KCND2: variants seen among roughly 807,000 people sequenced by gnomAD.
KCND2 encodes the protein potassium voltage-gated channel subfamily D member 2.
KCND2 carries 16 observed loss-of-function variants against 54.4 expected under a neutral mutation model. The ratio of observed to expected loss-of-function variants is 0.29; its 90% CI spans 0.20 to 0.45. KCND2 has a LOEUF of 0.45. Ranked by LOEUF, KCND2 falls within the 20% of genes least tolerant of loss-of-function variation. KCND2 has a pLI of 1.00. For missense variants in KCND2, 486 were observed against 824.2 expected, an observed-to-expected ratio of 0.59 and a Z score of 5.02; for synonymous variants, 317 against 310.7, an observed-to-expected ratio of 1.02 and a Z score of -0.21.
chr7:120,383,986 A>G (rs1319267573), intron 1 of KCND2, among the ~76,000 whole-genome samples: 1 of 152,098 alleles, frequency 6.6e-6, no homozygotes, highest in Non-Finnish European at 1.5e-5. Flanking sequence ...CTTGTTATCC[A>G]GGAGAGATTG....
At chr7:120,401,339 A>G (rs1407431229) in intron 1 of KCND2, among the ~76,000 whole-genome samples, 2 of 152,126 alleles carry the variant, frequency 1.3e-5, no homozygotes, top group South Asian at 4.1e-4. Flanking sequence ...AGTAAATGGG[A>G]ACTAGGGAAG....
At chr7:120,465,944 A>G (rs925722547) in intron 1 of KCND2, among the ~76,000 whole-genome samples, 3 of 152,166 alleles carry the variant, frequency 2.0e-5, no homozygotes, top group African/African-American at 7.2e-5. Flanking sequence ...GTAATACAAT[A>G]TTAGTTTTAA....
At chr7:120,595,730 G>A (rs1792736623) in intron 1 of KCND2, among the ~76,000 whole-genome samples, 1 of 151,288 alleles carries the variant, frequency 6.6e-6, no homozygotes. Context: ...ATTTTTGAGG[G>A]CCCATTGTGT....
rs2116195958 is a variant in KCND2 at position 120,747,840 on chromosome 7, CAG to C, written c.1878_1879del (p.Arg626SerfsTer10). On this transcript the variant is annotated frameshift_variant, in exon 6 of 6. Coordinates refer to ENST00000331113, the MANE Select transcript of KCND2 (RefSeq NM_012281.3). LOFTEE classifies it high-confidence loss of function. ...CTGAGTACTCAGGAGGAAATATTGT[CAG>C]AGTTTCTGCTTTGTAAGACAATTGG... The part of the protein sequence containing the change: ...SPEYSGGNIV[R>X]VSAL 4 of 1,611,762 alleles carry C rather than the reference CAG, an allele frequency of 2.5e-6. No individual in the cohort carries two copies. The highest frequency in any genetic ancestry group is 3.4e-6 in the Non-Finnish European group (4 of 1,178,528).
In KCND2 at chr7:120,745,911, A is replaced by C; in HGVS notation, c.1599A>C (p.Arg533=). 1 of 1,613,938 alleles carries C rather than the reference A, an allele frequency of 6.2e-7. No individual in the cohort carries two copies. Residue 533 remains arginine (R), a synonymous_variant, in exon 5 of 6, where the codon CGA becomes CGC. Coordinates refer to ENST00000331113, the MANE Select transcript of KCND2 (RefSeq NM_012281.3). ...TCACCAGCACCTGCTGTTCACGACG[A>C]CACAAAAAAACTTTTCGCATCCCAA... ...QGVTSTCCSR[R]HKKTFRIPNA...
At chr7:120,581,225 A>G (rs916610835) in intron 1 of KCND2, among the ~76,000 whole-genome samples, 2 of 152,236 alleles carry the variant, frequency 1.3e-5, no homozygotes, top group Non-Finnish European at 2.9e-5. Context: ...AACAGACTGC[A>G]GATTTTAGAG....
intron 1 of KCND2, among the ~76,000 whole-genome samples, chr7:120,710,910 C>CT (rs1792529570): frequency 6.6e-6 from 1 of 151,978 alleles, no homozygotes; most frequent in South Asian, 2.1e-4. Flanking sequence ...ACTATTATAT[C>CT]TTTTTTATAA....
At chr7:120,474,005 TGTA>T (rs1802498658) in intron 1 of KCND2, among the ~76,000 whole-genome samples, 1 of 152,092 alleles carries the variant, frequency 6.6e-6, no homozygotes, top group Non-Finnish European at 1.5e-5. Context: ...CCTGCAGTGG[TGTA>T]ATTGGTAATG....
intron 1 of KCND2, among the ~76,000 whole-genome samples, chr7:120,667,134 G>T (rs1791936735): frequency 6.6e-6 from 1 of 151,990 alleles, no homozygotes; most frequent in Non-Finnish European, 1.5e-5. Context: ...TTGAAGTCTA[G>T]CCTCTTTTTC....
chr7:120,494,886 A>T (rs959734617), intron 1 of KCND2, among the ~76,000 whole-genome samples: 1 of 152,206 alleles, frequency 6.6e-6, no homozygotes, highest in Non-Finnish European at 1.5e-5. Flanking sequence ...AATCATTTAA[A>T]CAGGCTTATT....
intron 1 of KCND2, among the ~76,000 whole-genome samples, chr7:120,614,635 G>A (rs940721386): frequency 5.3e-5 from 8 of 152,122 alleles, no homozygotes; most frequent in Non-Finnish European, 8.8e-5. Context: ...ATAAGCATTG[G>A]AATGAAACTT....
chr7:120,545,253 A>G (rs887228340), intron 1 of KCND2, among the ~76,000 whole-genome samples: 2 of 151,916 alleles, frequency 1.3e-5, no homozygotes, highest in South Asian at 2.1e-4. Context: ...ACTACAGTAG[A>G]TAGGTTCTGA....
rs775550938 is a variant in KCND2 at position 120,274,953 on chromosome 7, T to C, written c.321T>C (p.Pro107=). 6.8e-6 allele frequency: 11 copies of C among 1,614,116 alleles called. No individual in the cohort carries two copies. Among genetic ancestry groups the C allele is most frequent in the Non-Finnish European group, 8.5e-6 (10 of 1,180,042 alleles). ...NFYRTGKLHY[P]RHECISAYDE... ...ACCGCACTGGGAAGCTCCACTATCC[T>C]CGCCACGAGTGCATCTCTGCTTACG... Residue 107 remains proline, a synonymous_variant, in exon 1 of 6, where the codon CCT becomes CCC. Transcript: ENST00000331113.
intron 1 of KCND2, among the ~76,000 whole-genome samples, chr7:120,453,353 C>T (rs1302906264): frequency 6.6e-6 from 1 of 152,164 alleles, no homozygotes; most frequent in African/African-American, 2.4e-5. Flanking sequence ...TGTCCCCTCT[C>T]CTCACTCCAG....
chr7:120,309,289 T>C (rs1267301030), intron 1 of KCND2, among the ~76,000 whole-genome samples: 4 of 151,864 alleles, frequency 2.6e-5, no homozygotes, highest in African/African-American at 9.7e-5. Flanking sequence ...CAAGAAAACC[T>C]TTGAAGGAAG....
intron 1 of KCND2, among the ~76,000 whole-genome samples, chr7:120,484,189 C>T (rs1802656347): frequency 6.6e-6 from 1 of 152,092 alleles, no homozygotes. Flanking sequence ...CGTGAGGGTA[C>T]AGGACACATT....
chr7:120,672,151 C>A (rs1487050153), intron 1 of KCND2, among the ~76,000 whole-genome samples: 1 of 152,018 alleles, frequency 6.6e-6, no homozygotes, highest in Non-Finnish European at 1.5e-5. Context: ...TTCAGTGATT[C>A]TTTCACAATA....
intron 1 of KCND2, among the ~76,000 whole-genome samples, chr7:120,722,829 G>A (rs915176726): frequency 4.6e-5 from 7 of 152,270 alleles, no homozygotes; most frequent in African/African-American, 1.7e-4. Flanking sequence ...GCATACACCT[G>A]GGGACCAGCT....
chr7:120,634,946 C>T (rs1343133673), intron 1 of KCND2, among the ~76,000 whole-genome samples: 1 of 152,306 alleles, frequency 6.6e-6, no homozygotes, highest in Admixed American at 6.5e-5. Flanking sequence ...CCTCACATCT[C>T]AGCTACATCA....
Sources: gnomAD v4.1 joint callset for allele counts (sites outside exome capture counted in the v4.1 genomes callset) on GRCh38, gnomAD v4.1.1 for gene constraint, MANE v1.5 for transcripts, NCBI Gene and HGNC (gene_info 2026-07-23, HGNC 2026-07-21) for gene names.